Variants in GOLGB1 observed in about 807,000 individuals in gnomAD.
GOLGB1 encodes the protein golgin subfamily B member 1.
A neutral mutation model predicts 336.9 loss-of-function variants in GOLGB1; 174 were observed. The observed-to-expected ratio is 0.52, with a 90% confidence interval of 0.46 to 0.59. The LOEUF is 0.59. GOLGB1 is among the 20% of genes least tolerant of loss of function. The pLI, the probability that GOLGB1 is intolerant of heterozygous loss-of-function variation, is 0.00. For missense variants in GOLGB1, 3,331 were observed against 3,645.3 expected (o/e 0.91, Z 2.22); for synonymous variants, 1,208 against 1,289.2 (o/e 0.94, Z 1.35).
rs1482074676 is a variant in GOLGB1 at position 121,677,017 on chromosome 3, G to A, written c.9053C>T (p.Thr3018Ile). The change falls in exon 17 of 22, where the codon ACA (threonine) becomes ATA (isoleucine). Residue 3018 changes from threonine to isoleucine, a missense_variant. Coordinates refer to ENST00000614479, the MANE Select transcript of GOLGB1 (RefSeq NM_001366282.2). Reference protein sequence around the residue: ...VQYQRQASPETSASPDGSQNL... With the variant: ...VQYQRQASPEISASPDGSQNL... ...TTGTGACCCATCTGGGGAAGCTGAT[G>A]TCTCTGGGGATGCCTGCCAGGACAC... 1 of 1,613,886 alleles carries A rather than the reference G, an allele frequency of 6.2e-7. No homozygotes were observed. The highest frequency in any genetic ancestry group is 1.3e-5 in the African/African-American group (1 of 74,908).
In GOLGB1 at chr3:121,697,805, T is replaced by C. The variant is rs1943078931; in HGVS notation, c.2718A>G (p.Gln906=). 1.9e-6 allele frequency: 3 copies of C among 1,613,992 alleles called. No individual in the cohort carries two copies. The highest frequency in any genetic ancestry group is 2.5e-6 in the Non-Finnish European group (3 of 1,179,962). Reference sequence around the variant, plus strand: ...TACTAAAGCTGATTTCTGTCACTTGTTGATCCTTCTCCTCGATGGTTTGTT... The same window carrying C: ...TACTAAAGCTGATTTCTGTCACTTGCTGATCCTTCTCCTCGATGGTTTGTT... The part of the protein sequence containing the change: ...TLQQTIEEKD[Q]QVTEISFSMT... Residue 906 remains glutamine (Q), a synonymous_variant, in exon 13 of 22, where the codon CAA becomes CAG. Coordinates refer to ENST00000614479, the MANE Select transcript of GOLGB1 (RefSeq NM_001366282.2).
At chr3:121,707,137 G>A (rs1943928893) in intron 10 of GOLGB1, among the ~76,000 whole-genome samples, 1 of 143,622 alleles carries the variant, frequency 7.0e-6, no homozygotes, top group Non-Finnish European at 1.5e-5. Context: ...TGAGGCAGGA[G>A]AATCACTTGA....
At chr3:121,719,048 C>T (rs1387956235) in intron 7 of GOLGB1, among the ~76,000 whole-genome samples, 4 of 152,048 alleles carry the variant, frequency 2.6e-5, no homozygotes, top group Non-Finnish European at 4.4e-5. Flanking sequence ...TAAAAGTTTC[C>T]GTTCTAATTA....
Position 121,695,808 on chromosome 3 carries a change from C to CTGCT in GOLGB1, c.4711_4714dup (p.Ser1572LysfsTer5). 6.2e-7 allele frequency: 1 copy of CTGCT among 1,613,856 alleles called. No individual in the cohort carries two copies. The highest frequency in any genetic ancestry group is 8.5e-7 in the Non-Finnish European group (1 of 1,179,974). ...AGCTAGTTTTAGACTTTCACAGGAG[C>CTGCT]TGCTGAGACTCTGATTTTCCAATAA... On this transcript the variant is annotated frameshift_variant, in exon 13 of 22. Transcript: ENST00000614479. LOFTEE classifies it high-confidence loss of function.
At position 121,669,475 on chromosome 3, in the gene GOLGB1, C is replaced by G; in HGVS notation, c.9178-120G>C. The G allele has an allele frequency of 4.2e-6, 3 of 711,806 alleles. No homozygotes were observed. The East Asian group carries it at 8.4e-5, about 20-fold the overall frequency. 44.1% of individuals were successfully genotyped at this position (711,806 alleles called of 1,614,324 possible). ...AAGACCTTTGTTTCAGCAACAGCAA[C>G]AATAGCACTTTGTGTGCCTTCAAAG... On this transcript the variant is annotated intron_variant, in intron 17 of 21. Coordinates refer to ENST00000614479, the MANE Select transcript of GOLGB1 (RefSeq NM_001366282.2).
Position 121,729,187 on chromosome 3 carries a change from C to A in GOLGB1, c.402+1G>T. 2 of 1,602,026 alleles carry A rather than the reference C, an allele frequency of 1.2e-6. No homozygotes were observed. Among genetic ancestry groups the A allele is most frequent in the Middle Eastern group, 3.3e-4 (2 of 6,024 alleles). On this transcript the variant is annotated splice_donor_variant, in intron 4 of 21. Transcript: ENST00000614479. LOFTEE classifies it high-confidence loss of function. ...ATATACACTACACCCAGTCACCATACCTTGGAAAGTTGCTCCTCTGACTGA... is the reference window on the plus strand; with the variant it reads ...ATATACACTACACCCAGTCACCATAACTTGGAAAGTTGCTCCTCTGACTGA...
Position 121,691,690 on chromosome 3 carries a change from C to G in GOLGB1, c.7674G>C (p.Gln2558His). ...TTTGCTGAAGTTGAACTTCAAGAAG[C>G]TGCTTTTGTTGGCTGTCCTTTATTG... ...VITIKDSQQK[Q>H]LLEVQLQQNK... Residue 2558 changes from glutamine (Q) to histidine (H), a missense_variant, in exon 14 of 22, where the codon CAG becomes CAC. Transcript: ENST00000614479. 1 of 1,611,782 alleles carries G rather than the reference C, an allele frequency of 6.2e-7. No homozygotes were observed. The highest frequency in any genetic ancestry group is 8.5e-7 in the Non-Finnish European group (1 of 1,179,508).
At position 121,730,818 on chromosome 3, in the gene GOLGB1, C is replaced by G. The variant is rs1468420784; in HGVS notation, c.96+58G>C. ...ACACCCTTCTATCTTAAATTATTTT[C>G]CTTAGAAGAACACAGAACATATGTC... On this transcript the variant is annotated intron_variant, in intron 2 of 21. Transcript: ENST00000614479. The G allele has an allele frequency of 2.0e-6, 3 of 1,526,848 alleles. No individual in the cohort carries two copies. In the African/African-American group the frequency reaches 4.3e-5, roughly 22 times the overall value. 94.6% of individuals were successfully genotyped at this position (1,526,848 alleles called of 1,614,324 possible).
chr3:121,712,808 C>A (rs542033923), intron 10 of GOLGB1, among the ~76,000 whole-genome samples: 10 of 152,254 alleles, frequency 6.6e-5, no homozygotes, highest in Admixed American at 5.9e-4. Flanking sequence ...CTGACACCAC[C>A]AAATCTTGGA....
rs929887612 is a variant in GOLGB1, at chr3:121,691,781, T to C, written c.7583A>G (p.Asn2528Ser). 3 of 1,613,740 alleles carry C rather than the reference T, an allele frequency of 1.9e-6. No individual in the cohort carries two copies. Among genetic ancestry groups the C allele is most frequent in the Non-Finnish European group, 2.5e-6 (3 of 1,179,664 alleles). Residue 2528 changes from asparagine to serine, a missense_variant, in exon 14 of 22, where the codon AAT becomes AGT. Asn to Ser is a conservative substitution (Grantham distance 46, BLOSUM62 1). Coordinates refer to ENST00000614479, the MANE Select transcript of GOLGB1 (RefSeq NM_001366282.2). ...TGCATCTAGCTTGGCATTCTCAGAA[T>C]TGAGATCATCCATATGACTTCTCAA... ...RGLRSHMDDL[N>S]SENAKLDAEL...
chr3:121,706,733 CAAAAAAAAAAAAA>C, intron 10 of GOLGB1, among the ~76,000 whole-genome samples: 1 of 16,158 alleles, frequency 6.2e-5, no homozygotes, highest in East Asian at 1.9e-3. Context: ...GACTCTGTCT[CAAAAAAAAAAAAA>C]AAAAAAAAAA....
chr3:121,664,359 T>G lies in GOLGB1; in HGVS notation c.*121A>C. 1 of 904,776 alleles carries G rather than the reference T, an allele frequency of 1.1e-6. No individual in the cohort carries two copies. The highest frequency in any genetic ancestry group is 1.8e-6 in the Non-Finnish European group (1 of 561,986). The allele number at this position is 904,776 out of a possible 1,614,324, so 56.0% of individuals were successfully genotyped here. On this transcript the variant is annotated 3_prime_UTR_variant, in exon 22 of 22. Transcript: ENST00000614479. Reference sequence around the variant, plus strand: ...CCTCTGTTTTTGCAGGCACTTTCCGTGAAGAGTTGGAGAGAAGACCTGTAA... The same window carrying G: ...CCTCTGTTTTTGCAGGCACTTTCCGGGAAGAGTTGGAGAGAAGACCTGTAA...
intron 10 of GOLGB1, among the ~76,000 whole-genome samples, chr3:121,706,682 T>G (rs1222034441): frequency 3.3e-5 from 4 of 120,056 alleles, no homozygotes; most frequent in African/African-American, 1.3e-4. Flanking sequence ...TACAGTGAGT[T>G]GAGATTGCGC....
chr3:121,691,501 T>C lies in GOLGB1; in HGVS notation c.7863A>G (p.Arg2621=). The part of the protein sequence containing the change: ...SLKVSISQLT[R]QVTALQEEGT... Reference sequence around the variant, plus strand: ...CTTCTTCTTGCAAGGCTGTTACTTGTCTTGTTAGCTGGGATATAGATACTT... The same window carrying C: ...CTTCTTCTTGCAAGGCTGTTACTTGCCTTGTTAGCTGGGATATAGATACTT... The change falls in exon 14 of 22, where the codon AGA becomes AGG. Residue 2621 remains arginine (R), a synonymous_variant. Coordinates refer to ENST00000614479, the MANE Select transcript of GOLGB1 (RefSeq NM_001366282.2). 1 of 1,612,204 alleles carries C rather than the reference T, an allele frequency of 6.2e-7. No homozygotes were observed. The highest frequency in any genetic ancestry group is 2.2e-5 in the East Asian group (1 of 44,870).
At chr3:121,676,227 C>T (rs182442137) in intron 17 of GOLGB1, among the ~76,000 whole-genome samples, 3 of 152,346 alleles carry the variant, frequency 2.0e-5, no homozygotes, top group South Asian at 2.1e-4. Context: ...AGACTGACTT[C>T]GTCCTAACAC....
intron 19 of GOLGB1, 111 bp downstream of exon 19, chr3:121,667,950 A>G: frequency 1.7e-6 from 1 of 603,840 alleles, no homozygotes. Flanking sequence ...TGAGGCTAAT[A>G]AGATAACAAG....
intron 5 of GOLGB1, among the ~76,000 whole-genome samples, chr3:121,725,708 C>CT (rs1945537984): frequency 6.6e-6 from 1 of 152,100 alleles, no homozygotes; most frequent in Non-Finnish European, 1.5e-5. Flanking sequence ...GACAAGAGGC[C>CT]TTTAAGAAAG....
chr3:121,670,424 A>G (rs1457887749), intron 17 of GOLGB1, among the ~76,000 whole-genome samples: 1 of 152,244 alleles, frequency 6.6e-6, no homozygotes, highest in East Asian at 1.9e-4. Context: ...GAGGAAGGGC[A>G]TTTGATGCAA....
chr3:121,663,264 C>T lies in GOLGB1; in HGVS notation c.*1216G>A, dbSNP rs2107493776. The stretch of plus-strand genomic sequence containing the variant: ...AGGAAACTTCCCAGGATGTTGTAAC[C>T]AAGATTTAATCACCACAGTAGATTT... On this transcript the variant is annotated 3_prime_UTR_variant, in exon 22 of 22. Transcript: ENST00000614479. The T allele has an allele frequency of 6.6e-6, 1 of 152,228 alleles. No individual in the cohort carries two copies. The highest frequency in any genetic ancestry group is 1.5e-5 in the Non-Finnish European group (1 of 68,036). 9.4% of individuals were successfully genotyped at this position (152,228 alleles called of 1,614,324 possible).
Sources: gnomAD v4.1 joint callset for allele counts (sites outside exome capture counted in the v4.1 genomes callset) on GRCh38, gnomAD v4.1.1 for gene constraint, MANE v1.5 for transcripts, NCBI Gene and HGNC (gene_info 2026-07-23, HGNC 2026-07-21) for gene names.